The following MSRB3 variants were observed in gnomAD, a reference collection of about 807,000 sequenced individuals.
MSRB3 encodes the protein methionine sulfoxide reductase B3.
MSRB3 carries 13 observed loss-of-function variants against 21.0 expected under a neutral mutation model. That is an observed-to-expected ratio of 0.62 (90% CI 0.40 to 0.98). The LOEUF (loss-of-function observed/expected upper bound fraction) is 0.98. MSRB3 is among the 50% of genes least tolerant of loss of function. The pLI is 0.00. For missense variants in MSRB3, 199 were observed against 230.3 expected (o/e 0.86, Z 0.88); for synonymous variants, 87 against 88.6 (o/e 0.98, Z 0.10).
intron 2 of MSRB3, among the ~76,000 whole-genome samples, chr12:65,317,871 T>G (rs1475572627): frequency 1.3e-5 from 2 of 152,176 alleles, no homozygotes; most frequent in Non-Finnish European, 2.9e-5. Flanking sequence ...GAAAGAAGAT[T>G]TAAATAGCAA....
chr12:65,321,989 C>A (rs1394065526), intron 2 of MSRB3, among the ~76,000 whole-genome samples: 1 of 151,954 alleles, frequency 6.6e-6, no homozygotes, highest in Non-Finnish European at 1.5e-5. Flanking sequence ...ATTCTAGAAC[C>A]AAAATTAAAG....
intron 5 of MSRB3, among the ~76,000 whole-genome samples, chr12:65,392,974 A>T (rs1879565254): frequency 6.6e-6 from 1 of 152,182 alleles, no homozygotes; most frequent in South Asian, 2.1e-4. Context: ...TTTGAGGATT[A>T]CAAAGTTTCT....
intron 4 of MSRB3, among the ~76,000 whole-genome samples, chr12:65,366,813 C>A (rs552555683): frequency 6.6e-6 from 1 of 152,274 alleles, no homozygotes; most frequent in African/African-American, 2.4e-5. Context: ...CTAGGCCCCA[C>A]TTACTGAATC....
chr12:65,339,374 A>T (rs1348588765), intron 4 of MSRB3, among the ~76,000 whole-genome samples: 2 of 152,256 alleles, frequency 1.3e-5, no homozygotes, highest in East Asian at 3.8e-4. Flanking sequence ...TGTTGAGAAC[A>T]GCTGATCTAG....
chr12:65,389,617 T>C (rs536703739), intron 5 of MSRB3, among the ~76,000 whole-genome samples: 30 of 152,302 alleles, frequency 2.0e-4, no homozygotes, highest in African/African-American at 7.2e-4. Flanking sequence ...TCAACCTCCA[T>C]GTCCCGATCC....
intron 5 of MSRB3, among the ~76,000 whole-genome samples, chr12:65,376,966 T>A (rs905407106): frequency 6.6e-6 from 1 of 152,252 alleles, no homozygotes; most frequent in African/African-American, 2.4e-5. Flanking sequence ...CATAGCTTTA[T>A]AAGGAAAGAG....
Position 65,413,352 on chromosome 12 carries a change from T to TA in MSRB3, c.293-40375dup, listed in dbSNP as rs1285554211. ...CAGATAGTAGGTGCTTTGTCATAAA[T>TA]ACTCTTGAGGTCAGCATCCTTCTTT... On this transcript the variant is annotated intron_variant, in intron 5 of 6. Coordinates refer to ENST00000308259, the MANE Select transcript of MSRB3 (RefSeq NM_001031679.3). Among the ~76,000 whole-genome samples, 12 of 152,332 alleles carry TA rather than the reference T, an allele frequency of 7.9e-5. 1 individual carries two copies. The South Asian group carries it at 2.3e-3, about 29-fold the overall frequency.
chr12:65,384,463 G>A (rs1879109904), intron 5 of MSRB3, among the ~76,000 whole-genome samples: 1 of 152,072 alleles, frequency 6.6e-6, no homozygotes, highest in African/African-American at 2.4e-5. Context: ...GTTTTAATCT[G>A]TTTCAAATAA....
At chr12:65,373,590 G>T (rs1235545417) in intron 5 of MSRB3, among the ~76,000 whole-genome samples, 9 of 152,156 alleles carry the variant, frequency 5.9e-5, no homozygotes, top group African/African-American at 2.2e-4. Context: ...ATTCTGGGCT[G>T]CTTGGAATAG....
intron 2 of MSRB3, among the ~76,000 whole-genome samples, chr12:65,322,429 C>T (rs568565825): frequency 1.7e-4 from 26 of 151,952 alleles, no homozygotes; most frequent in Middle Eastern, 3.4e-3. Flanking sequence ...GAGGCCGAGG[C>T]GGGCAGATCA....
At chr12:65,439,561 G>C (rs1395633774) in intron 5 of MSRB3, among the ~76,000 whole-genome samples, 1 of 151,526 alleles carries the variant, frequency 6.6e-6, no homozygotes, top group Non-Finnish European at 1.5e-5. Context: ...TTAGAAAGTA[G>C]AGATTTCGTA....
At chr12:65,385,700 A>T (rs1265939233) in intron 5 of MSRB3, among the ~76,000 whole-genome samples, 1 of 151,990 alleles carries the variant, frequency 6.6e-6, no homozygotes, top group Non-Finnish European at 1.5e-5. Context: ...AATTAAAATG[A>T]ATTAATTTTT....
chr12:65,398,598 G>A (rs1879944932), intron 5 of MSRB3, among the ~76,000 whole-genome samples: 3 of 152,082 alleles, frequency 2.0e-5, no homozygotes, highest in Admixed American at 1.3e-4. Context: ...CTGTGCACAA[G>A]CTCTTTAGTT....
chr12:65,359,799 T>A (rs1877598253), intron 4 of MSRB3, among the ~76,000 whole-genome samples: 1 of 152,154 alleles, frequency 6.6e-6, no homozygotes. Flanking sequence ...AAGAACTGTA[T>A]ACGTTTTGTT....
chr12:65,361,830 C>T (rs1877724780), intron 4 of MSRB3, among the ~76,000 whole-genome samples: 1 of 152,084 alleles, frequency 6.6e-6, no homozygotes, highest in Non-Finnish European at 1.5e-5. Flanking sequence ...TTCAAAGTGG[C>T]TTGACTGAAT....
At chr12:65,388,738 G>T (rs891887855) in intron 5 of MSRB3, among the ~76,000 whole-genome samples, 1 of 152,054 alleles carries the variant, frequency 6.6e-6, no homozygotes, top group African/African-American at 2.4e-5. Context: ...AGACATGGTG[G>T]TGGGTGCCTG....
At chr12:65,281,553 GATAC>G (rs1872021053) in intron 1 of MSRB3, 1 of 152,180 alleles carries the variant, frequency 6.6e-6, no homozygotes, top group South Asian at 2.1e-4. Context: ...CATGCACAAA[GATAC>G]ATACATACCT....
chr12:65,308,601 C>G lies in MSRB3; in HGVS notation c.22C>G (p.His8Asp). 3 of 1,613,950 alleles carry G rather than the reference C, an allele frequency of 1.9e-6. No homozygotes were observed. The highest frequency in any genetic ancestry group is 2.5e-6 in the Non-Finnish European group (3 of 1,179,886). ...AGTGATGTCTGCATTCAACCTGCTG[C>G]ATTTGGTGACAAAGAGCCAGCCAGT... Reference protein sequence around the residue: MSAFNLLHLVTKSQPVAL... With the variant: MSAFNLLDLVTKSQPVAL... Residue 8 changes from histidine to aspartate, a missense_variant, in exon 2 of 7, where the codon CAT (histidine) becomes GAT (aspartate). Transcript: ENST00000308259.
At chr12:65,455,741 T>G (rs913911858) in intron 6 of MSRB3, among the ~76,000 whole-genome samples, 3 of 151,196 alleles carry the variant, frequency 2.0e-5, no homozygotes, top group Non-Finnish European at 2.9e-5. Flanking sequence ...TAGTTTGGGG[T>G]TTTTTTTGTT....
Sources: allele counts gnomAD v4.1 joint callset (sites outside exome capture counted in the v4.1 genomes callset), GRCh38; gene constraint gnomAD v4.1.1; transcripts MANE v1.5; gene names NCBI Gene and HGNC (gene_info 2026-07-23, HGNC 2026-07-21).